The following STOX1 variants were observed in gnomAD, a reference collection of about 807,000 sequenced individuals.
STOX1 encodes storkhead-box protein 1.
A neutral mutation model predicts 74.8 loss-of-function variants in STOX1; 57 were observed. The ratio of observed to expected loss-of-function variants is 0.76; its 90% CI spans 0.62 to 0.95. The LOEUF (loss-of-function observed/expected upper bound fraction) is 0.95. Ranked by LOEUF, STOX1 falls within the 40% of genes least tolerant of loss-of-function variation. STOX1 has a pLI of 0.00. For synonymous variants in STOX1, 375 were observed against 401.3 expected (o/e 0.93, Z 0.78); for missense variants, 1,010 against 1,117.0 (o/e 0.90, Z 1.37).
chr10:68,872,926 T>C (rs926219435), intron 1 of STOX1, among the ~76,000 whole-genome samples: 2 of 152,332 alleles, frequency 1.3e-5, no homozygotes, highest in African/African-American at 4.8e-5. Flanking sequence ...TCTTTTTTTT[T>C]TTCCCCTTAA....
intron 1 of STOX1, among the ~76,000 whole-genome samples, chr10:68,855,409 C>T (rs1339623513): frequency 2.0e-5 from 3 of 151,412 alleles, no homozygotes; most frequent in African/African-American, 4.9e-5. Context: ...GCATGAGCCA[C>T]GGTGCCTGGC....
At chr10:68,867,093 C>G (rs374436097) in intron 1 of STOX1, among the ~76,000 whole-genome samples, 8 of 151,848 alleles carry the variant, frequency 5.3e-5, no homozygotes, top group African/African-American at 1.9e-4. Context: ...TACAGGCGCC[C>G]GCCACCACGC....
chr10:68,864,324 T>G (rs991004535), intron 1 of STOX1, among the ~76,000 whole-genome samples: 2 of 152,212 alleles, frequency 1.3e-5, no homozygotes, highest in Admixed American at 6.5e-5. Context: ...TGTGAAGACA[T>G]TCTCAGCACC....
intron 1 of STOX1, among the ~76,000 whole-genome samples, chr10:68,872,071 A>G (rs1840548366): frequency 6.6e-6 from 1 of 152,062 alleles, no homozygotes; most frequent in Admixed American, 6.6e-5. Context: ...GTCATCCCTA[A>G]TGCGCATAGA....
intron 2 of STOX1, 53 bp from the exon 3 acceptor site, chr10:68,884,207 C>A: frequency 1.3e-6 from 2 of 1,503,828 alleles, no homozygotes; most frequent in Non-Finnish European, 1.9e-6. Flanking sequence ...TGATTTCACT[C>A]ATTAAAATTT....
At position 68,891,487 on chromosome 10, in the gene STOX1, A is replaced by T. The variant is rs376864615; in HGVS notation, c.2823-1102A>T. ...TAATGGACAGTTGATGGAGAGTAGC[A>T]AAGTGGGAAAAGGGAATGTCGAAAA... On this transcript the variant is annotated intron_variant, in intron 3 of 3. Coordinates refer to ENST00000298596, the MANE Select transcript of STOX1 (RefSeq NM_152709.5). 1.7e-4 allele frequency among the ~76,000 whole-genome samples: 26 copies of T among 152,262 alleles called. No individual in the cohort carries two copies. The South Asian group carries it at 5.4e-3, about 32-fold the overall frequency.
chr10:68,828,589 G>T (rs1264923290), intron 1 of STOX1, among the ~76,000 whole-genome samples: 1 of 152,228 alleles, frequency 6.6e-6, no homozygotes, highest in Admixed American at 6.5e-5. Flanking sequence ...TGATGCTCTG[G>T]ATAGAGAGGC....
At chr10:68,845,843 C>G (rs1839830311) in intron 1 of STOX1, among the ~76,000 whole-genome samples, 1 of 151,840 alleles carries the variant, frequency 6.6e-6, no homozygotes, top group Non-Finnish European at 1.5e-5. Flanking sequence ...TTCAGGTGAT[C>G]TACCCGCCTC....
chr10:68,860,040 C>T (rs1479007716), intron 1 of STOX1, among the ~76,000 whole-genome samples: 2 of 151,764 alleles, frequency 1.3e-5, no homozygotes, highest in Admixed American at 6.6e-5. Flanking sequence ...GCCTGTAATC[C>T]CAGCACTATG....
rs1048828954 is a variant in STOX1, at chr10:68,886,429, G to A, written c.2633G>A (p.Gly878Glu). 6 of 1,614,088 alleles carry A rather than the reference G, an allele frequency of 3.7e-6. No individual in the cohort carries two copies. The African/African-American group carries it at 6.7e-5, about 18-fold the overall frequency. The change falls in exon 3 of 4, where the codon GGA becomes GAA. Residue 878 changes from glycine (G) to glutamate (E), a missense_variant. Gly to Glu is a moderately conservative substitution (Grantham distance 98). Coordinates refer to ENST00000298596, the MANE Select transcript of STOX1 (RefSeq NM_152709.5). ...ATACAAGACACTATTGGTGACACAGGAAAGAAGCCAGCTAGCTGGAGTCAG... is the reference window on the plus strand; with the variant it reads ...ATACAAGACACTATTGGTGACACAGAAAAGAAGCCAGCTAGCTGGAGTCAG... ...EVIQDTIGDT[G>E]KKPASWSQSP...
chr10:68,869,095 G>A (rs758036903), intron 1 of STOX1, among the ~76,000 whole-genome samples: 2 of 152,148 alleles, frequency 1.3e-5, no homozygotes, highest in African/African-American at 2.4e-5. Flanking sequence ...CTTCTTCCTC[G>A]TGATGGTCCT....
intron 1 of STOX1, among the ~76,000 whole-genome samples, chr10:68,870,877 C>T (rs1366915925): frequency 6.6e-6 from 1 of 152,230 alleles, no homozygotes; most frequent in Admixed American, 6.5e-5. Flanking sequence ...ATTCTACCCC[C>T]AGAGTCTCCT....
At chr10:68,876,580 TTTG>T (rs1012350081) in intron 1 of STOX1, among the ~76,000 whole-genome samples, 4 of 152,234 alleles carry the variant, frequency 2.6e-5, no homozygotes, top group African/African-American at 9.6e-5. Flanking sequence ...ATGGTTCTAC[TTTG>T]TTGTTATTTT....
chr10:68,875,989 T>G (rs916830856), intron 1 of STOX1, among the ~76,000 whole-genome samples: 2 of 148,220 alleles, frequency 1.3e-5, no homozygotes, highest in African/African-American at 5.3e-5. Context: ...GCTTTGCACT[T>G]TTTTTCCTCA....
chr10:68,891,560 T>G (rs35086750), intron 3 of STOX1, among the ~76,000 whole-genome samples: 1 of 151,930 alleles, frequency 6.6e-6, no homozygotes, highest in Non-Finnish European at 1.5e-5. Flanking sequence ...TCCTAGCACT[T>G]TGGGAGGCTG....
At chr10:68,882,310 C>A (rs575066194) in intron 2 of STOX1, among the ~76,000 whole-genome samples, 200 bp downstream of exon 2, 1 of 152,054 alleles carries the variant, frequency 6.6e-6, no homozygotes, top group African/African-American at 2.4e-5. Flanking sequence ...TAAACTTTTC[C>A]AAAAATAAAT....
At chr10:68,845,986 A>G (rs1432473098) in intron 1 of STOX1, among the ~76,000 whole-genome samples, 3 of 151,074 alleles carry the variant, frequency 2.0e-5, no homozygotes, top group Non-Finnish European at 4.4e-5. Context: ...TGATCCTCCC[A>G]CCTCAGCCTC....
chr10:68,882,260 A>C, intron 2 of STOX1, 150 bp downstream of exon 2: 1 of 742,514 alleles, frequency 1.3e-6, no homozygotes, highest in Non-Finnish European at 2.2e-6. Flanking sequence ...GAAGTCCTGC[A>C]TCAACAAATT....
chr10:68,833,252 A>T (rs560491971), intron 1 of STOX1, among the ~76,000 whole-genome samples: 53 of 151,894 alleles, frequency 3.5e-4, no homozygotes, highest in Admixed American at 2.4e-3. Context: ...CGCCCGGCTA[A>T]GTTTTTTTGT....
Sources: gnomAD v4.1 joint callset for allele counts (sites outside exome capture counted in the v4.1 genomes callset) on GRCh38, gnomAD v4.1.1 for gene constraint, MANE v1.5 for transcripts, NCBI Gene and HGNC (gene_info 2026-07-23, HGNC 2026-07-21) for gene names.